Variants in ADGB observed in about 807,000 individuals in gnomAD.
ADGB encodes calpain-7-like protein.
In ADGB, 172 loss-of-function variants were observed where a neutral mutation model predicts 210.5. The ratio of observed to expected loss-of-function variants is 0.82; its 90% CI spans 0.72 to 0.93. ADGB has a LOEUF of 0.93. Among genes scored for constraint, ADGB ranks in the 40% least tolerant of loss-of-function variants. ADGB has a pLI of 0.00. For missense variants in ADGB, 2,025 were observed against 1,964.8 expected, an observed-to-expected ratio of 1.03 and a Z score of -0.58; for synonymous variants, 658 against 662.7, an observed-to-expected ratio of 0.99 and a Z score of 0.11.
rs775677568 is a variant in ADGB, at chr6:146,815,253, G to GA, written c.*42dup. 69 of 1,424,096 alleles carry GA rather than the reference G, an allele frequency of 4.8e-5. No homozygotes were observed. Among genetic ancestry groups the GA allele is most frequent in the African/African-American group, 6.0e-5 (4 of 66,804 alleles). 88.2% of individuals were successfully genotyped at this position (1,424,096 alleles called of 1,614,324 possible). ...TCCAATACTACCCTGCTTCTGGAGAGAAAAAATCTATTTGTAATGATCTTT... is the reference window on the plus strand; with the variant it reads ...TCCAATACTACCCTGCTTCTGGAGAGAAAAAAATCTATTTGTAATGATCTTT... On this transcript the variant is annotated 3_prime_UTR_variant, in exon 36 of 36. Transcript: ENST00000397944.
At chr6:146,763,781 C>A (rs1777533895) in intron 27 of ADGB, 120 bp from the exon 28 acceptor site, 1 of 930,094 alleles carries the variant, frequency 1.1e-6, no homozygotes, top group Non-Finnish European at 1.6e-6. Context: ...TTTTATCTCA[C>A]TAAAACAAAA....
intron 17 of ADGB, among the ~76,000 whole-genome samples, chr6:146,721,795 G>A (rs886574176): frequency 8.5e-5 from 13 of 152,056 alleles, no homozygotes; most frequent in Non-Finnish European, 1.6e-4. Flanking sequence ...CCGAGATCGC[G>A]CCATTGCACT....
chr6:146,799,072 A>AC (rs999566214), intron 33 of ADGB, among the ~76,000 whole-genome samples: 1 of 150,996 alleles, frequency 6.6e-6, no homozygotes, highest in African/African-American at 2.4e-5. Flanking sequence ...AAAAAAAAAA[A>AC]AAAAAAACAG....
chr6:146,610,215 C>G (rs1443920187), intron 1 of ADGB, among the ~76,000 whole-genome samples: 2 of 152,132 alleles, frequency 1.3e-5, no homozygotes, highest in African/African-American at 4.8e-5. Context: ...CTTAAAATGG[C>G]TATTTCATTT....
At chr6:146,632,304 A>T (rs1233151528) in intron 1 of ADGB, among the ~76,000 whole-genome samples, 1 of 151,698 alleles carries the variant, frequency 6.6e-6, no homozygotes, top group Non-Finnish European at 1.5e-5. Context: ...AAACCCAGCA[A>T]TTTTCCCTTT....
At chr6:146,691,447 TATATATATATAAAAATA>T (rs1776317451) in intron 11 of ADGB, among the ~76,000 whole-genome samples, 157 bp downstream of exon 11, 1 of 21,102 alleles carries the variant, frequency 4.7e-5, no homozygotes, top group Non-Finnish European at 7.3e-5. Flanking sequence ...TATATAAAAA[TATATATATATAAAAATA>T]TATATATATA....
chr6:146,813,832 A>G (rs1451896988), intron 35 of ADGB, among the ~76,000 whole-genome samples: 2 of 152,210 alleles, frequency 1.3e-5, no homozygotes, highest in Middle Eastern at 3.2e-3. Flanking sequence ...CCTAACTCAG[A>G]CAGCTTTGAG....
intron 12 of ADGB, among the ~76,000 whole-genome samples, chr6:146,695,092 CT>C (rs1435788677): frequency 6.6e-6 from 1 of 152,148 alleles, no homozygotes; most frequent in Non-Finnish European, 1.5e-5. Flanking sequence ...ACTATACTGT[CT>C]TCTAACAGAG....
chr6:146,807,661 A>C, intron 35 of ADGB: 2 of 1,190,446 alleles, frequency 1.7e-6, no homozygotes, highest in Non-Finnish European at 2.3e-6. Flanking sequence ...CTGCCTGCTG[A>C]TAAGATATTG....
rs143081355 is a variant in ADGB, at chr6:146,673,335, A to G, written c.1087+868A>G. Reference sequence around the variant, plus strand: ...TATAAACATGTAATGACTGTGAGTCATGACTGGCAAGAAATGTGCCTTGTT... The same window carrying G: ...TATAAACATGTAATGACTGTGAGTCGTGACTGGCAAGAAATGTGCCTTGTT... On this transcript the variant is annotated intron_variant, in intron 8 of 35. Transcript: ENST00000397944. Among the ~76,000 whole-genome samples, 280 of 152,296 alleles carry G rather than the reference A, an allele frequency of 1.8e-3. 4 individuals carry two copies. In the East Asian group the frequency reaches 0.027, roughly 15 times the overall value.
chr6:146,789,640 A>G (rs1777926904), intron 33 of ADGB, among the ~76,000 whole-genome samples: 2 of 152,228 alleles, frequency 1.3e-5, no homozygotes, highest in Admixed American at 6.5e-5. Flanking sequence ...TTTTGAAAGT[A>G]CATGCCCATT....
At chr6:146,792,203 G>A (rs1202876457) in intron 33 of ADGB, among the ~76,000 whole-genome samples, 1 of 152,104 alleles carries the variant, frequency 6.6e-6, no homozygotes, top group Non-Finnish European at 1.5e-5. Context: ...TGCATATATG[G>A]TGTCTTTTGG....
At chr6:146,698,468 A>T (rs1236170083) in intron 12 of ADGB, among the ~76,000 whole-genome samples, 1 of 152,142 alleles carries the variant, frequency 6.6e-6, no homozygotes, top group Non-Finnish European at 1.5e-5. Context: ...GTTAATTTAC[A>T]CTTTTATTTA....
At position 146,801,889 on chromosome 6, in the gene ADGB, A is replaced by C; in HGVS notation, c.4696A>C (p.Lys1566Gln). 1 of 1,551,230 alleles carries C rather than the reference A, an allele frequency of 6.4e-7. No homozygotes were observed. The highest frequency in any genetic ancestry group is 8.7e-7 in the Non-Finnish European group (1 of 1,146,760). The change falls in exon 35 of 36, where the codon AAG (lysine) becomes CAG (glutamine). Residue 1566 changes from lysine (K) to glutamine (Q), a missense_variant. Transcript: ENST00000397944. ...ATTGAATCAGCAGCAGGCAATGCAA[A>C]AGGCGGAAGAAATTCATCAGTTTCG... Reference protein sequence around the residue: ...DELNQQQAMQKAEEIHQFRQH... With the variant: ...DELNQQQAMQQAEEIHQFRQH...
chr6:146,721,124 A>G (rs541264013), intron 16 of ADGB, among the ~76,000 whole-genome samples: 1 of 152,256 alleles, frequency 6.6e-6, no homozygotes, highest in East Asian at 1.9e-4. Flanking sequence ...TGGAACAAGC[A>G]TATCCCTCTT....
At chr6:146,657,344 AAGAG>A (rs1275556025) in intron 5 of ADGB, among the ~76,000 whole-genome samples, 1 of 151,456 alleles carries the variant, frequency 6.6e-6, no homozygotes, top group East Asian at 1.9e-4. Context: ...GAAAGAAAGA[AAGAG>A]AGAGAAGGAA....
intron 9 of ADGB, among the ~76,000 whole-genome samples, chr6:146,679,595 T>C (rs1776130138): frequency 6.6e-6 from 1 of 152,200 alleles, no homozygotes; most frequent in African/African-American, 2.4e-5. Context: ...TGGCACTGAT[T>C]CTGCTCTCTT....
intron 16 of ADGB, among the ~76,000 whole-genome samples, chr6:146,717,897 C>T (rs144203727): frequency 1.6e-3 from 248 of 152,198 alleles, no homozygotes; most frequent in African/African-American, 5.6e-3. Flanking sequence ...AATAAATTCA[C>T]TAGATTTGGT....
chr6:146,735,735 T>C (rs1175435877), intron 22 of ADGB, among the ~76,000 whole-genome samples: 3 of 152,230 alleles, frequency 2.0e-5, no homozygotes, highest in Non-Finnish European at 4.4e-5. Flanking sequence ...ATGTACTTCA[T>C]AGAGTTTGTG....
Sources: allele counts gnomAD v4.1 joint callset (sites outside exome capture counted in the v4.1 genomes callset), GRCh38; gene constraint gnomAD v4.1.1; transcripts MANE v1.5; gene names NCBI Gene and HGNC (gene_info 2026-07-23, HGNC 2026-07-21).